The following ITPR3 variants were observed in gnomAD, a reference collection of about 807,000 sequenced individuals.
ITPR3 encodes inositol 1,4,5-trisphosphate-gated calcium channel ITPR3.
A neutral mutation model predicts 293.2 loss-of-function variants in ITPR3; 173 were observed. The observed-to-expected ratio is 0.59, with a 90% CI of 0.52 to 0.67. The LOEUF (loss-of-function observed/expected upper bound fraction) is 0.67, where lower values mean the gene tolerates loss of function less well. Ranked by LOEUF, ITPR3 falls within the 30% of genes least tolerant of loss-of-function variation. The pLI is 0.00. For synonymous variants in ITPR3, 1,295 were observed against 1,444.4 expected (o/e 0.90, Z 2.35); for missense variants, 2,796 against 3,592.1 (o/e 0.78, Z 5.66).
chr6:33,686,200 C>T lies in ITPR3; in HGVS notation c.5815C>T (p.Gln1939Ter), dbSNP rs1438944647. The T allele has an allele frequency of 6.2e-7, 1 of 1,614,070 alleles. No individual in the cohort carries two copies. The highest frequency in any genetic ancestry group is 8.5e-7 in the Non-Finnish European group (1 of 1,180,020). The change falls in exon 42 of 58, where the codon CAG becomes TAG. Residue 1939 changes from glutamine (Q) to a stop codon, truncating the protein, a stop_gained. Transcript: ENST00000605930. LOFTEE classifies it high-confidence loss of function. ...TGAGGACAACGTGGGCCTCGTCATCCAGACCTTGGAGACCCTCACTGAGTA... is the reference window on the plus strand; with the variant it reads ...TGAGGACAACGTGGGCCTCGTCATCTAGACCTTGGAGACCCTCACTGAGTA... The part of the protein sequence containing the change: ...INEDNVGLVI[Q>*]TLETLTEYCQ...
intron 26 of ITPR3, 30 bp from the exon 27 acceptor site, chr6:33,676,985 G>C: frequency 6.2e-7 from 1 of 1,613,996 alleles, no homozygotes; most frequent in Non-Finnish European, 8.5e-7. Context: ...GGCTGGGCCT[G>C]GCTGATCTCC....
In ITPR3 at chr6:33,658,130, G is replaced by A. The variant is rs1250025271; in HGVS notation, c.369+112G>A. The stretch of plus-strand genomic sequence containing the variant: ...TGCCCTCTGTGCATGTGTGTCCCCG[G>A]GTGAATGAGTGGCCCTGGGGCCACC... On this transcript the variant is annotated intron_variant, in intron 4 of 57. Transcript: ENST00000605930. This position sits in a 1 kb window ranked among gnomAD's most constrained non-coding sequence, Gnocchi z 6.1. 1 of 913,570 alleles carries A rather than the reference G, an allele frequency of 1.1e-6. No individual in the cohort carries two copies. The highest frequency in any genetic ancestry group is 1.6e-5 in the African/African-American group (1 of 60,664). 56.6% of individuals were successfully genotyped at this position (913,570 alleles called of 1,614,324 possible). A position where few individuals can be genotyped will look rare whatever the true frequency, so the allele number is the denominator to read the frequency against.
In ITPR3 at chr6:33,690,020, GC is replaced by G. The variant is rs1765347531; in HGVS notation, c.6868-13del. On this transcript the variant is annotated splice_polypyrimidine_tract_variant and intron_variant, in intron 50 of 57. Coordinates refer to ENST00000605930, the MANE Select transcript of ITPR3 (RefSeq NM_002224.4). ...GGTAGGGTGCTGACTCTCATGCCTTGCACTCGCCCCCAGCTGACCAACAAGA... is the reference window on the plus strand; with the variant it reads ...GGTAGGGTGCTGACTCTCATGCCTTGACTCGCCCCCAGCTGACCAACAAGA... 1 of 1,613,986 alleles carries G rather than the reference GC, an allele frequency of 6.2e-7. No homozygotes were observed. The highest frequency in any genetic ancestry group is 2.2e-5 in the East Asian group (1 of 44,896).
intron 23 of ITPR3, 82 bp from the exon 24 acceptor site, chr6:33,674,126 G>C (rs1764842044): frequency 6.6e-7 from 1 of 1,512,216 alleles, no homozygotes; most frequent in African/African-American, 1.4e-5. Context: ...GCAGGGAAGA[G>C]GGTGGTTTGA....
Position 33,625,233 on chromosome 6 carries a change from C to CT in ITPR3, c.89+3555dup, listed in dbSNP as rs1022926655. The stretch of plus-strand genomic sequence containing the variant: ...ATCTCAAGTCATCTCTTGAAGATCT[C>CT]TTTTTTTTTTTTTGAGACAGAGTTT... On this transcript the variant is annotated intron_variant, in intron 1 of 57. Transcript: ENST00000605930. 2.4e-3 allele frequency among the ~76,000 whole-genome samples: 356 copies of CT among 145,658 alleles called. 2 individuals carry two copies. The highest frequency in any genetic ancestry group is 5.9e-3 in the African/African-American group (236 of 40,012).
chr6:33,646,463 C>T (rs1219455180), intron 2 of ITPR3, among the ~76,000 whole-genome samples: 1 of 147,234 alleles, frequency 6.8e-6, no homozygotes, highest in Non-Finnish European at 1.5e-5. Flanking sequence ...AAACATATAT[C>T]CAGATTTTCC....
In ITPR3 at chr6:33,655,803, G is replaced by A. The variant is rs142283170; in HGVS notation, c.198G>A (p.Ser66=). The change falls in exon 3 of 58, where the codon TCG becomes TCA. Residue 66 remains serine (S), a synonymous_variant. Coordinates refer to ENST00000605930, the MANE Select transcript of ITPR3 (RefSeq NM_002224.4). The surrounding 1 kb of genome is among the most constrained non-coding windows in gnomAD (Gnocchi z 4.9). ...AGGTGTGCCCCATGAACCGCTACTC[G>A]GCCCAGAAGCAGTACTGGAAGGCCA... is the stretch of plus-strand genomic sequence containing the variant. ...LFKVCPMNRY[S]AQKQYWKAKQ... 118 of 1,614,000 alleles carry A rather than the reference G, an allele frequency of 7.3e-5. 1 individual carries two copies. The African/African-American group carries it at 1.1e-3, about 14-fold the overall frequency.
rs1387840577 is a variant in ITPR3 at position 33,688,071 on chromosome 6, C to T, written c.6279C>T (p.Asn2093=). 1.9e-6 allele frequency: 3 copies of T among 1,613,874 alleles called. No individual in the cohort carries two copies. Among genetic ancestry groups the T allele is most frequent in the Non-Finnish European group, 2.5e-6 (3 of 1,179,828 alleles). ...CCCACCTCCAGCTCAGCCTCAACAA[C>T]AAGCAGCTGTCACAGATGCTCAAGT... ...EGISSMLSLN[N]KQLSQMLKSS... The change falls in exon 47 of 58, where the codon AAC becomes AAT. Residue 2093 remains asparagine, a synonymous_variant. Coordinates refer to ENST00000605930, the MANE Select transcript of ITPR3 (RefSeq NM_002224.4).
Position 33,628,490 on chromosome 6 carries a change from A to G in ITPR3, c.89+6799A>G, listed in dbSNP as rs550700390. ...TGGCTTGGAGAGCTTGGGGTCACGC[A>G]GCAGGGGACTGAGAAGAGAAGTTTG... On this transcript the variant is annotated intron_variant, in intron 1 of 57. Coordinates refer to ENST00000605930, the MANE Select transcript of ITPR3 (RefSeq NM_002224.4). Among the ~76,000 whole-genome samples, 166 of 152,360 alleles carry G rather than the reference A, an allele frequency of 1.1e-3. 1 individual carries two copies. Among genetic ancestry groups the G allele is most frequent in the Middle Eastern group, 6.8e-3 (2 of 294 alleles).
intron 1 of ITPR3, among the ~76,000 whole-genome samples, chr6:33,630,140 C>A (rs886623938): frequency 1.3e-5 from 2 of 152,142 alleles, no homozygotes; most frequent in African/African-American, 4.8e-5. Flanking sequence ...GTTACATTTT[C>A]TTATGCCTCT....
At chr6:33,648,066 C>CT (rs35776559) in intron 2 of ITPR3, among the ~76,000 whole-genome samples, 20,808 of 130,384 alleles carry the variant, frequency 0.16, 1,813 homozygotes, top group Middle Eastern at 0.22. Flanking sequence ...ATTTCTTTTT[C>CT]TTTTTTTTTT....
In ITPR3 at chr6:33,671,317, T is replaced by A; in HGVS notation, c.2728+11T>A. 2 of 1,604,606 alleles carry A rather than the reference T, an allele frequency of 1.2e-6. No homozygotes were observed. Among genetic ancestry groups the A allele is most frequent in the Non-Finnish European group, 1.7e-6 (2 of 1,175,008 alleles). ...ATGAGGACCCCGGTGGTGAGGCCTT[T>A]GCCCGGCTCGGGCCACCCTGGTGGT... On this transcript the variant is annotated intron_variant, in intron 21 of 57. Transcript: ENST00000605930.
rs968331426 is a variant in ITPR3 at position 33,672,139 on chromosome 6, G to A, written c.2839G>A (p.Ala947Thr). The change falls in exon 22 of 58, where the codon GCT becomes ACT. Residue 947 changes from alanine (A) to threonine (T), a missense_variant. This residue lies in a region of ITPR3 where 955 missense variants were observed against 1,180.8 expected (regional missense o/e 0.81). Transcript: ENST00000605930. This position sits in a 1 kb window ranked among gnomAD's most constrained non-coding sequence, Gnocchi z 5.0. ...CCCCAGCCTGTCTGCTGGGGCCAGT[G>A]CTGCTGAGCCGCTGGACAGAAGCAA... ...SAPSLSAGASAAEPLDRSKFE... is the reference protein window; with the variant it reads ...SAPSLSAGASTAEPLDRSKFE... 1.9e-6 allele frequency: 3 copies of A among 1,614,012 alleles called. No homozygotes were observed. Among genetic ancestry groups the A allele is most frequent in the African/African-American group, 1.3e-5 (1 of 74,904 alleles).
At chr6:33,689,897 G>T (rs910172536) in intron 50 of ITPR3, 137 bp from the exon 51 acceptor site, 1 of 951,120 alleles carries the variant, frequency 1.1e-6, no homozygotes, top group African/African-American at 1.6e-5. Context: ...CTGAGTCCCA[G>T]GCGCCTAGAT....
In ITPR3 at chr6:33,673,738, C is replaced by T. The variant is rs1174471744; in HGVS notation, c.3058+18C>T. 6.2e-7 allele frequency: 1 copy of T among 1,613,644 alleles called. No individual in the cohort carries two copies. Reference sequence around the variant, plus strand: ...CTCTACCAGTAAGCCCCTGCCCTGCCTTCAGGCTGAGGCTGTGCGACTCTC... The same window carrying T: ...CTCTACCAGTAAGCCCCTGCCCTGCTTTCAGGCTGAGGCTGTGCGACTCTC... On this transcript the variant is annotated intron_variant, in intron 23 of 57. Transcript: ENST00000605930.
chr6:33,663,050 T>C, intron 9 of ITPR3, 44 bp downstream of exon 9: 5 of 1,513,016 alleles, frequency 3.3e-6, no homozygotes, highest in Non-Finnish European at 3.6e-6. Context: ...TGTGTGCATG[T>C]ACACGTGGGT....
chr6:33,693,051 C>A (rs1490924793), intron 55 of ITPR3, among the ~76,000 whole-genome samples, 158 bp downstream of exon 55: 1 of 152,186 alleles, frequency 6.6e-6, no homozygotes, highest in Admixed American at 6.5e-5. Context: ...GAGAACATGA[C>A]CCTGCCTGAA....
rs1018171914 is a variant in ITPR3, at chr6:33,672,599, A to G, written c.2928+371A>G. On this transcript the variant is annotated intron_variant, in intron 22 of 57. Transcript: ENST00000605930. The surrounding 1 kb of genome is among the most constrained non-coding windows in gnomAD (Gnocchi z 5.0). ...AATAAAAAGAAAAACAGAAATGCAC[A>G]TTCTCCGGCCCCACCCTAGACCTAC... is the stretch of plus-strand genomic sequence containing the variant. Among the ~76,000 whole-genome samples the G allele has an allele frequency of 6.6e-6, 1 of 152,074 alleles. No individual in the cohort carries two copies. The highest frequency in any genetic ancestry group is 1.5e-5 in the Non-Finnish European group (1 of 68,016).
rs577395530 is a variant in ITPR3, at chr6:33,679,165, C to T, written c.3972+326C>T. On this transcript the variant is annotated intron_variant, in intron 30 of 57. Coordinates refer to ENST00000605930, the MANE Select transcript of ITPR3 (RefSeq NM_002224.4). The surrounding 1 kb of genome is among the most constrained non-coding windows in gnomAD (Gnocchi z 4.2). ...ATCAGGAAGCACCTGCTACGTGCCACGGACTGTACATGCATGGGGGACATC... is the reference window on the plus strand; with the variant it reads ...ATCAGGAAGCACCTGCTACGTGCCATGGACTGTACATGCATGGGGGACATC... Among the ~76,000 whole-genome samples the T allele has an allele frequency of 2.0e-5, 3 of 152,322 alleles. No individual in the cohort carries two copies. Among genetic ancestry groups the T allele is most frequent in the South Asian group, 2.1e-4 (1 of 4,826 alleles).
Sources: gnomAD v4.1 joint callset for allele counts (sites outside exome capture counted in the v4.1 genomes callset) on GRCh38, gnomAD v4.1.1 for gene constraint, gnomAD v4.1.1 regional missense constraint, Gnocchi (gnomAD v3.1) non-coding constraint, MANE v1.5 for transcripts, NCBI Gene and HGNC (gene_info 2026-07-23, HGNC 2026-07-21) for gene names.